HSD17B2: variants seen among roughly 807,000 people sequenced by gnomAD.
HSD17B2 encodes hydroxysteroid 17-beta dehydrogenase 2.
A neutral mutation model predicts 26.9 loss-of-function variants in HSD17B2; 32 were observed. The observed-to-expected ratio is 1.19, with a 90% confidence interval of 0.90 to 1.60. The LOEUF (loss-of-function observed/expected upper bound fraction) is 1.60. Among genes scored for constraint, HSD17B2 ranks in the 40% most tolerant of loss-of-function variants. The pLI, the probability that HSD17B2 is intolerant of heterozygous loss-of-function variation, is 0.00. For synonymous variants in HSD17B2, 246 were observed against 186.7 expected (o/e 1.32, Z -2.59); for missense variants, 613 against 468.6 (o/e 1.31, Z -2.85).
intron 1 of HSD17B2, among the ~76,000 whole-genome samples, chr16:82,067,632 G>C (rs574223063): frequency 6.6e-6 from 1 of 152,334 alleles, no homozygotes; most frequent in African/African-American, 2.4e-5. Flanking sequence ...TAGGGAAAAA[G>C]GCCCAGGAGG....
chr16:82,072,328 T>C (rs534972691), intron 3 of HSD17B2, among the ~76,000 whole-genome samples: 17 of 152,210 alleles, frequency 1.1e-4, no homozygotes, highest in Non-Finnish European at 2.1e-4. Flanking sequence ...AATTTCCTGC[T>C]ACCTTGCCAA....
chr16:82,055,973 C>T (rs1346722020), intron 1 of HSD17B2, among the ~76,000 whole-genome samples: 1 of 152,136 alleles, frequency 6.6e-6, no homozygotes, highest in African/African-American at 2.4e-5. Context: ...AAGGGTTTGT[C>T]ATCTCTGTTG....
chr16:82,050,319 C>G (rs181654550), intron 1 of HSD17B2, among the ~76,000 whole-genome samples: 1 of 152,058 alleles, frequency 6.6e-6, no homozygotes, highest in East Asian at 1.9e-4. Context: ...TCTCATTTCT[C>G]TGCCCATCTT....
chr16:82,068,133 G>A (rs368528579), intron 1 of HSD17B2, 37 bp from the exon 2 acceptor site: 12 of 1,561,106 alleles, frequency 7.7e-6, no homozygotes, highest in South Asian at 4.4e-5. Flanking sequence ...TGTCACTCTG[G>A]TTTGACCTCA....
At chr16:82,041,997 CTT>C (rs537013953) in intron 1 of HSD17B2, among the ~76,000 whole-genome samples, 7 of 141,648 alleles carry the variant, frequency 4.9e-5, no homozygotes, top group Admixed American at 7.1e-5. Flanking sequence ...CTTTTCTTTT[CTT>C]TTTTTTTTTT....
chr16:82,072,903 A>C (rs576959450), intron 3 of HSD17B2, among the ~76,000 whole-genome samples: 1 of 152,316 alleles, frequency 6.6e-6, no homozygotes, highest in South Asian at 2.1e-4. Flanking sequence ...AAAAAAATTA[A>C]GAAAAAAACA....
chr16:82,055,775 G>T (rs544250132), intron 1 of HSD17B2, among the ~76,000 whole-genome samples: 14 of 152,284 alleles, frequency 9.2e-5, no homozygotes, highest in Non-Finnish European at 2.1e-4. Flanking sequence ...GGATTCAACC[G>T]GAAAACCATG....
intron 3 of HSD17B2, among the ~76,000 whole-genome samples, chr16:82,082,036 G>T (rs1157501583): frequency 6.6e-6 from 1 of 152,188 alleles, no homozygotes; most frequent in Non-Finnish European, 1.5e-5. Context: ...GTAAGTGGGA[G>T]CTGAACAATA....
chr16:82,039,269 A>ACACACACACG lies in HSD17B2; in HGVS notation c.265+3583_265+3584insACACACGCAC, dbSNP rs564720049. 9.2e-5 allele frequency among the ~76,000 whole-genome samples: 14 copies of ACACACACACG among 151,590 alleles called. No individual in the cohort carries two copies. The South Asian group carries it at 2.3e-3, about 25-fold the overall frequency. ...ATAATACACACACACACACACACACACACGCACAAACACACACACACCCCT... is the reference window on the plus strand; with the variant it reads ...ATAATACACACACACACACACACACACACACACACGCACGCACAAACACACACACACCCCT... On this transcript the variant is annotated intron_variant, in intron 1 of 4. Coordinates refer to ENST00000199936, the MANE Select transcript of HSD17B2 (RefSeq NM_002153.3).
chr16:82,049,017 TG>T (rs1375583556), intron 1 of HSD17B2, among the ~76,000 whole-genome samples: 2 of 152,220 alleles, frequency 1.3e-5, no homozygotes, highest in Non-Finnish European at 2.9e-5. Context: ...CTTTCTGGGC[TG>T]GAACAGGTAG....
chr16:82,098,272 C>A lies in HSD17B2; in HGVS notation c.1000C>A (p.Pro334Thr). ...CCAGCATGCTATCTTGGCGAAGAGCCCTTTTGCCTATTACACGCCAGGGAA... is the reference window on the plus strand; with the variant it reads ...CCAGCATGCTATCTTGGCGAAGAGCACTTTTGCCTATTACACGCCAGGGAA... ...DIQHAILAKSPFAYYTPGKGA... is the reference protein window; with the variant it reads ...DIQHAILAKSTFAYYTPGKGA... Residue 334 changes from proline (P) to threonine (T), a missense_variant, in exon 5 of 5, where the codon CCT becomes ACT. Coordinates refer to ENST00000199936, the MANE Select transcript of HSD17B2 (RefSeq NM_002153.3). The A allele has an allele frequency of 6.2e-7, 1 of 1,614,190 alleles. No individual in the cohort carries two copies.
At chr16:82,070,847 C>T (rs1276807060) in intron 2 of HSD17B2, 95 bp from the exon 3 acceptor site, 3 of 1,206,818 alleles carry the variant, frequency 2.5e-6, no homozygotes, top group Admixed American at 4.4e-5. Flanking sequence ...ACCTGGCTCA[C>T]ACGTAACACC....
At chr16:82,062,043 G>A (rs1461909399) in intron 1 of HSD17B2, among the ~76,000 whole-genome samples, 1 of 152,126 alleles carries the variant, frequency 6.6e-6, no homozygotes, top group Non-Finnish European at 1.5e-5. Flanking sequence ...ACAAATGATG[G>A]GGTGTTTCCG....
chr16:82,079,835 T>C (rs1374170561), intron 3 of HSD17B2, among the ~76,000 whole-genome samples: 1 of 152,272 alleles, frequency 6.6e-6, no homozygotes, highest in Non-Finnish European at 1.5e-5. Flanking sequence ...TCCAATGTGA[T>C]GCTGACTTGT....
chr16:82,035,726 G>C, intron 1 of HSD17B2, 37 bp downstream of exon 1: 7 of 1,596,166 alleles, frequency 4.4e-6, no homozygotes, highest in African/African-American at 2.7e-5. Context: ...CTGAGGGTAT[G>C]ATCTGAAACT....
At chr16:82,089,663 G>A (rs757655979) in intron 3 of HSD17B2, among the ~76,000 whole-genome samples, 7 of 152,200 alleles carry the variant, frequency 4.6e-5, no homozygotes, top group African/African-American at 9.6e-5. Context: ...TCCTTCTCGA[G>A]GCTCTGGGAA....
chr16:82,096,880 T>C (rs1318469435), intron 4 of HSD17B2: 1 of 152,192 alleles, frequency 6.6e-6, no homozygotes, highest in African/African-American at 2.4e-5. Context: ...TGAGTGCTAT[T>C]CATACGATTC....
chr16:82,044,061 T>C (rs571522541), intron 1 of HSD17B2, among the ~76,000 whole-genome samples: 8 of 152,210 alleles, frequency 5.3e-5, no homozygotes, highest in Non-Finnish European at 1.0e-4. Context: ...ATTCCTCCCA[T>C]GGCCTAGTTT....
chr16:82,070,139 T>C (rs993643983), intron 2 of HSD17B2, among the ~76,000 whole-genome samples: 2 of 152,198 alleles, frequency 1.3e-5, no homozygotes, highest in Non-Finnish European at 2.9e-5. Flanking sequence ...AATGTTGTTT[T>C]TTTTCCCCCT....
Sources: gnomAD v4.1 joint callset for allele counts (sites outside exome capture counted in the v4.1 genomes callset) on GRCh38, gnomAD v4.1.1 for gene constraint, MANE v1.5 for transcripts, NCBI Gene and HGNC (gene_info 2026-07-23, HGNC 2026-07-21) for gene names.